The following SCN9A variants were observed in gnomAD, a reference collection of about 807,000 sequenced individuals.
SCN9A encodes the protein sodium channel protein type 9 subunit alpha.
Under a neutral mutation model 187.0 loss-of-function variants are expected in SCN9A, and 131 were observed. The ratio of observed to expected loss-of-function variants is 0.70; its 90% confidence interval spans 0.61 to 0.81. SCN9A has a LOEUF of 0.81. SCN9A is among the 30% of genes least tolerant of loss of function. The probability of loss-of-function intolerance (pLI) is 0.00; values close to 1 mark genes in which losing one functional copy is unlikely to be tolerated. For synonymous variants in SCN9A, 809 were observed against 808.6 expected (o/e 1.00, Z -0.01); for missense variants, 2,252 against 2,396.6 (o/e 0.94, Z 1.26).
At position 166,327,448 on chromosome 2, in the gene SCN9A, A is replaced by T. The variant is rs76710665; in HGVS notation, c.-50-15642T>A. Reference sequence around the variant, plus strand: ...CTGGGGTTACAGGCATCAACCACTGAGCCTGGCACAATTTTTTAAATTGCC... The same window carrying T: ...CTGGGGTTACAGGCATCAACCACTGTGCCTGGCACAATTTTTTAAATTGCC... On this transcript the variant is annotated intron_variant, in intron 1 of 26. Transcript: ENST00000642356. Among the ~76,000 whole-genome samples the T allele has an allele frequency of 9.2e-3, 1,406 of 152,248 alleles. 32 individuals are homozygous for T. Among genetic ancestry groups the T allele is most frequent in the African/African-American group, 0.031 (1,277 of 41,552 alleles).
chr2:166,300,804 G>T lies in SCN9A; in HGVS notation c.901+2286C>A, dbSNP rs1247363894. Reference sequence around the variant, plus strand: ...ATGTACAGATTTGGAAGACAGGATTGTGGTATAAGATTCATTATTAGCTAA... The same window carrying T: ...ATGTACAGATTTGGAAGACAGGATTTTGGTATAAGATTCATTATTAGCTAA... On this transcript the variant is annotated intron_variant, in intron 7 of 26. Transcript: ENST00000642356. 2.0e-5 allele frequency: 3 copies of T among 150,944 alleles called. No homozygotes were observed. In the South Asian group the frequency reaches 6.2e-4, roughly 31 times the overall value. 9.4% of individuals were successfully genotyped at this position (150,944 alleles called of 1,614,324 possible).
At chr2:166,362,869 T>C (rs1700321853) in intron 1 of SCN9A, among the ~76,000 whole-genome samples, 1 of 152,040 alleles carries the variant, frequency 6.6e-6, no homozygotes, top group South Asian at 2.1e-4. Context: ...TTCTTTTTAT[T>C]ATTCTAACTG....
At chr2:166,285,843 A>C (rs1480049282) in intron 11 of SCN9A, among the ~76,000 whole-genome samples, 1 of 152,118 alleles carries the variant, frequency 6.6e-6, no homozygotes, top group East Asian at 1.9e-4. Context: ...CAGAATTAAC[A>C]GACTATGGCA....
At chr2:166,350,222 G>A (rs1159861778) in intron 1 of SCN9A, among the ~76,000 whole-genome samples, 1 of 152,126 alleles carries the variant, frequency 6.6e-6, no homozygotes, top group Non-Finnish European at 1.5e-5. Context: ...TAATTTACCA[G>A]TAATTCAAGC....
intron 1 of SCN9A, among the ~76,000 whole-genome samples, chr2:166,312,289 C>T (rs1698985579): frequency 6.6e-6 from 1 of 152,152 alleles, no homozygotes; most frequent in Admixed American, 6.6e-5. Flanking sequence ...TCTCACGAAA[C>T]CACTTTCTTT....
chr2:166,196,366 AAAAC>A lies in SCN9A; in HGVS notation c.*2302_*2305del, dbSNP rs1693248045. On this transcript the variant is annotated 3_prime_UTR_variant, in exon 27 of 27. Transcript: ENST00000642356. ...AAACTTAACCATGTTATTTTAAAAA[AAAAC>A]ATAGTTCATGAAATAGGAAAAAGAA... The A allele has an allele frequency of 6.6e-6, 1 of 152,184 alleles. No individual in the cohort carries two copies. Among genetic ancestry groups the A allele is most frequent in the Admixed American group, 6.5e-5 (1 of 15,276 alleles). The allele number at this position is 152,184 out of a possible 1,614,324, so 9.4% of individuals were successfully genotyped here.
In SCN9A at chr2:166,238,096, C is replaced by T; in HGVS notation, c.3799G>A (p.Asp1267Asn). 2.5e-6 allele frequency: 4 copies of T among 1,608,628 alleles called. No individual in the cohort carries two copies. Among genetic ancestry groups the T allele is most frequent in the Non-Finnish European group, 3.4e-6 (4 of 1,176,886 alleles). Residue 1267 changes from aspartate (D) to asparagine (N), a missense_variant and splice_region_variant, in exon 20 of 27, where the codon GAT (aspartate) becomes AAT (asparagine). By Grantham distance (23) the Asp-to-Asn change is conservative. Transcript: ENST00000642356. The part of the protein sequence containing the change: ...AWCWLDFLIV[D>N]VSLVTLVANT... The stretch of plus-strand genomic sequence containing the variant: ...AAAATGTACTCAAAAGTACCTACAT[C>T]AACAATTAGGAAATCCAGCCAACAC...
intron 7 of SCN9A, chr2:166,296,250 G>A (rs1168341398): frequency 1.3e-5 from 2 of 152,100 alleles, no homozygotes; most frequent in Admixed American, 1.3e-4. Context: ...TAAACCACTT[G>A]ATACTGTGAT....
chr2:166,270,517 CAT>C (rs1397267003), intron 17 of SCN9A, among the ~76,000 whole-genome samples: 1 of 151,788 alleles, frequency 6.6e-6, no homozygotes, highest in African/African-American at 2.4e-5. Flanking sequence ...TACATAGAAA[CAT>C]ATATCATGAT....
At chr2:166,368,598 A>T (rs1700474366) in intron 1 of SCN9A, among the ~76,000 whole-genome samples, 1 of 150,662 alleles carries the variant, frequency 6.6e-6, no homozygotes. Context: ...GTACCACTGC[A>T]CTCCAGCCTG....
rs369231933 is a variant in SCN9A at position 166,238,100 on chromosome 2, A to T, written c.3795T>A (p.Ile1265=). ...TNAWCWLDFL[I]VDVSLVTLVA... ...TGTACTCAAAAGTACCTACATCAAC[A>T]ATTAGGAAATCCAGCCAACACCAGG... Residue 1265 remains isoleucine, a synonymous_variant, in exon 20 of 27, where the codon ATT becomes ATA. Coordinates refer to ENST00000642356, the MANE Select transcript of SCN9A (RefSeq NM_001365536.1). The T allele has an allele frequency of 2.5e-5, 41 of 1,609,640 alleles. No individual in the cohort carries two copies. Among genetic ancestry groups the T allele is most frequent in the African/African-American group, 6.7e-5 (5 of 74,854 alleles).
rs115393048 is a variant in SCN9A at position 166,328,138 on chromosome 2, G to A, written c.-50-16332C>T. ...CCCTGACACTCTGGAACATTAGAGA[G>A]AGTGAAAATATTATTCTAGAGTGAA... On this transcript the variant is annotated intron_variant, in intron 1 of 26. Transcript: ENST00000642356. Among the ~76,000 whole-genome samples, 789 of 152,280 alleles carry A rather than the reference G, an allele frequency of 5.2e-3. 8 individuals are homozygous for A. Among genetic ancestry groups the A allele is most frequent in the African/African-American group, 0.017 (726 of 41,564 alleles).
chr2:166,315,456 TGGTCA>T (rs1471669063), intron 1 of SCN9A, among the ~76,000 whole-genome samples: 2 of 152,058 alleles, frequency 1.3e-5, no homozygotes, highest in Non-Finnish European at 2.9e-5. Flanking sequence ...AGGCAAAGGG[TGGTCA>T]ATGCTAGTGG....
At chr2:166,375,510 C>T (rs1700667481) in intron 1 of SCN9A, among the ~76,000 whole-genome samples, 187 bp downstream of exon 1, 1 of 152,188 alleles carries the variant, frequency 6.6e-6, no homozygotes, top group Non-Finnish European at 1.5e-5. Context: ...GCCCTTCTTC[C>T]TCCCATTGCT....
At chr2:166,223,394 A>T (rs914171391) in intron 24 of SCN9A, among the ~76,000 whole-genome samples, 1 of 152,252 alleles carries the variant, frequency 6.6e-6, no homozygotes, top group Non-Finnish European at 1.5e-5. Flanking sequence ...ACAAACACAC[A>T]CTATTCAGCC....
intron 8 of SCN9A, among the ~76,000 whole-genome samples, chr2:166,293,936 T>C (rs549498717): frequency 6.6e-6 from 1 of 152,112 alleles, no homozygotes; most frequent in Admixed American, 6.6e-5. Flanking sequence ...ATAAATACAA[T>C]ATTCTGAGAT....
intron 9 of SCN9A, among the ~76,000 whole-genome samples, chr2:166,292,682 G>T (rs1402834133): frequency 6.6e-6 from 1 of 152,066 alleles, no homozygotes; most frequent in Non-Finnish European, 1.5e-5. Flanking sequence ...CAAGTTAGAG[G>T]AAATAGCCAC....
intron 13 of SCN9A, 25 bp from the exon 14 acceptor site, chr2:166,280,620 G>GGCT: frequency 7.4e-7 from 1 of 1,359,700 alleles, no homozygotes; most frequent in Non-Finnish European, 1.0e-6. Flanking sequence ...CAGAGAACAT[G>GGCT]GAGTCAGCCA....
At chr2:166,214,355 G>A (rs112455459) in intron 24 of SCN9A, among the ~76,000 whole-genome samples, 3 of 151,956 alleles carry the variant, frequency 2.0e-5, no homozygotes, top group African/African-American at 4.8e-5. Flanking sequence ...TTTTCCAGCC[G>A]CTCCCTGTGG....
Sources: gnomAD v4.1 joint callset for allele counts (sites outside exome capture counted in the v4.1 genomes callset) on GRCh38, gnomAD v4.1.1 for gene constraint, MANE v1.5 for transcripts, NCBI Gene and HGNC (gene_info 2026-07-23, HGNC 2026-07-21) for gene names.